Variants in ABHD4 observed in about 807,000 individuals in gnomAD.
ABHD4 encodes abhydrolase domain containing 4, N-acyl phospholipase B, also known as (Lyso)-N-acylphosphatidylethanolamine lipase.
In ABHD4, 35 loss-of-function variants were observed where a neutral mutation model predicts 42.3. That is an observed-to-expected ratio of 0.83 (90% CI 0.63 to 1.10). The LOEUF is 1.10. ABHD4 is among the 50% of genes least tolerant of loss of function. The probability of loss-of-function intolerance (pLI) is 0.00; values close to 1 mark genes in which losing one functional copy is unlikely to be tolerated. For synonymous variants in ABHD4, 169 were observed against 170.6 expected (o/e 0.99, Z 0.07); for missense variants, 389 against 454.8 (o/e 0.86, Z 1.32).
At position 22,604,061 on chromosome 14, in the gene ABHD4, C is replaced by CGAGTAGCTGGGCCCTGGGGT; in HGVS notation, c.630_640+9dup. 1 of 1,614,158 alleles carries CGAGTAGCTGGGCCCTGGGGT rather than the reference C, an allele frequency of 6.2e-7. No individual in the cohort carries two copies. The highest frequency in any genetic ancestry group is 8.5e-7 in the Non-Finnish European group (1 of 1,180,034). On this transcript the variant is annotated frameshift_variant, in exon 4 of 7. Coordinates refer to ENST00000428304, the MANE Select transcript of ABHD4 (RefSeq NM_022060.3). LOFTEE classifies it high-confidence loss of function. ...ACGTTCCAATCCATTGGCTGTTCTT[C>CGAGTAGCTGGGCCCTGGGGT]GAGTAGCTGGGCCCTGGGGTGAGTA...
chr14:22,601,508 C>CAGGTAGCT (rs1379416943), intron 1 of ABHD4, among the ~76,000 whole-genome samples, 159 bp from the exon 2 acceptor site: 1 of 152,170 alleles, frequency 6.6e-6, no homozygotes, highest in Admixed American at 6.5e-5. Context: ...AACAATCTAT[C>CAGGTAGCT]AGGTAGCTAG....
chr14:22,608,892 G>C (rs914660929), intron 5 of ABHD4, among the ~76,000 whole-genome samples: 3 of 152,022 alleles, frequency 2.0e-5, no homozygotes, highest in Admixed American at 2.0e-4. Flanking sequence ...GTAGAGATGG[G>C]TTTCACCATG....
chr14:22,600,831 GGTGTGTGTGTGTGTGT>G (rs35284182), intron 1 of ABHD4, among the ~76,000 whole-genome samples: 5 of 65,224 alleles, frequency 7.7e-5, no homozygotes, highest in Non-Finnish European at 1.5e-4. Context: ...CCAGCAGGGG[GGTGTGTGTGTGTGTGT>G]GTGTGTGTGT....
At chr14:22,598,353 C>CTCTT in intron 1 of ABHD4, 24 bp downstream of exon 1, 1 of 1,551,440 alleles carries the variant, frequency 6.4e-7, no homozygotes, top group Non-Finnish European at 8.7e-7. Context: ...GTCCCTTTCT[C>CTCTT]TCTTTCTCTC....
In ABHD4 at chr14:22,611,536, A is replaced by G. The variant is rs1488881332; in HGVS notation, c.*588A>G. 6.5e-6 allele frequency: 1 copy of G among 154,560 alleles called. No individual in the cohort carries two copies. 9.6% of individuals were successfully genotyped at this position (154,560 alleles called of 1,614,324 possible). On this transcript the variant is annotated 3_prime_UTR_variant, in exon 7 of 7. Transcript: ENST00000428304. ...AGGAGGAAACAGGCCAAGGCAGGACATGGCTGGACCATGGTGATACAGCTC... is the reference window on the plus strand; with the variant it reads ...AGGAGGAAACAGGCCAAGGCAGGACGTGGCTGGACCATGGTGATACAGCTC...
At chr14:22,605,817 G>A in intron 4 of ABHD4, 1 of 1,289,142 alleles carries the variant, frequency 7.8e-7, no homozygotes, top group South Asian at 1.2e-5. Flanking sequence ...AGAGAGATCA[G>A]GGATCAGAAG....
intron 5 of ABHD4, 53 bp from the exon 6 acceptor site, chr14:22,609,671 C>A: frequency 6.3e-7 from 1 of 1,575,606 alleles, no homozygotes; most frequent in South Asian, 1.2e-5. Flanking sequence ...CTGAAGAGAC[C>A]AACAAGTTGA....
At chr14:22,598,818 C>T in intron 1 of ABHD4, 3 of 220,508 alleles carry the variant, frequency 1.4e-5, no homozygotes, top group South Asian at 1.3e-4. Flanking sequence ...TGTGGAACAA[C>T]GGGCTTGCAA....
At chr14:22,598,469 G>A in intron 1 of ABHD4, 140 bp downstream of exon 1, 3 of 1,538,082 alleles carry the variant, frequency 2.0e-6, no homozygotes, top group African/African-American at 1.4e-5. Context: ...GGCGGGGGGT[G>A]GGTGCGTTGC....
intron 1 of ABHD4, chr14:22,598,547 C>T (rs1374315312): frequency 2.2e-6 from 3 of 1,374,496 alleles, no homozygotes; most frequent in East Asian, 2.5e-5. Flanking sequence ...CGCTCGCCCG[C>T]AGCCCGGGGA....
intron 2 of ABHD4, 36 bp from the exon 3 acceptor site, chr14:22,603,354 A>G (rs1566381685): frequency 3.1e-6 from 5 of 1,612,848 alleles, no homozygotes; most frequent in Non-Finnish European, 4.2e-6. Context: ...GTCAGGAAAC[A>G]CTTATTGACT....
intron 5 of ABHD4, among the ~76,000 whole-genome samples, chr14:22,609,196 C>T (rs1272288763): frequency 1.3e-5 from 2 of 152,024 alleles, no homozygotes; most frequent in African/African-American, 2.4e-5. Flanking sequence ...CAGGGTCTCA[C>T]CATGTTGGCC....
rs201990879 is a variant in ABHD4, at chr14:22,603,583, G to C, written c.306G>C (p.Leu102=). The part of the protein sequence containing the change: ...SARRTLHTFD[L]LGFGRSSRPA... ...GCCGCACACTGCACACCTTCGATCTGCTTGGCTTCGGGCGAAGCTCAAGGC... is the reference window on the plus strand; with the variant it reads ...GCCGCACACTGCACACCTTCGATCTCCTTGGCTTCGGGCGAAGCTCAAGGC... Residue 102 remains leucine (L), a synonymous_variant, in exon 3 of 7, where the codon CTG becomes CTC. Coordinates refer to ENST00000428304, the MANE Select transcript of ABHD4 (RefSeq NM_022060.3). 5.6e-6 allele frequency: 9 copies of C among 1,614,170 alleles called. No individual in the cohort carries two copies. The highest frequency in any genetic ancestry group is 5.1e-6 in the Non-Finnish European group (6 of 1,180,042).
intron 4 of ABHD4, among the ~76,000 whole-genome samples, chr14:22,605,606 G>C (rs1026424729): frequency 2.0e-5 from 3 of 152,186 alleles, no homozygotes. Context: ...GTCTGCTCGA[G>C]CTACTCTCCC....
chr14:22,604,324 C>G, intron 4 of ABHD4: 1 of 378,000 alleles, frequency 2.6e-6, no homozygotes, highest in Non-Finnish European at 4.9e-6. Context: ...GATCTCGGCT[C>G]ACTGCAAGCT....
chr14:22,600,205 T>C (rs1235946672), intron 1 of ABHD4: 2 of 455,644 alleles, frequency 4.4e-6, no homozygotes, highest in Admixed American at 2.4e-5. Context: ...TAAGTGACAG[T>C]GCTAAAATTG....
At chr14:22,610,829 A>T in intron 6 of ABHD4, 30 bp from the exon 7 acceptor site, 1 of 1,591,268 alleles carries the variant, frequency 6.3e-7, no homozygotes. Flanking sequence ...ATAAAAGGCC[A>T]TCCCACCCCT....
At position 22,609,726 on chromosome 14, in the gene ABHD4, G is replaced by T; in HGVS notation, c.755G>T (p.Gly252Val). ...TATTGCTGTTTTGCTTTTGACAGTG[G>T]TGAGACAGCATTCAAAGCCATGATG... is the stretch of plus-strand genomic sequence containing the variant. The part of the protein sequence containing the change: ...IYHCNAQNPS[G>V]ETAFKAMMES... Residue 252 changes from glycine to valine, a missense_variant and splice_region_variant, in exon 6 of 7, where the codon GGT becomes GTT. Gly to Val is a moderately radical substitution (Grantham distance 109). Around this residue, in one of 3 missense-constraint regions of ABHD4, gnomAD observed 249 missense variants for 254.4 expected, o/e 0.98. Transcript: ENST00000428304. 6.2e-7 allele frequency: 1 copy of T among 1,613,568 alleles called. No homozygotes were observed. Among genetic ancestry groups the T allele is most frequent in the African/African-American group, 1.3e-5 (1 of 75,022 alleles).
Position 22,606,547 on chromosome 14 carries a change from C to A in ABHD4, c.752+14C>A, listed in dbSNP as rs1237696397. ...ACAGAATCCCAGGTGAGGGCCGCTC[C>A]CCAGGCCAGCTTGGGGCAGACAGTT... is the stretch of plus-strand genomic sequence containing the variant. On this transcript the variant is annotated intron_variant, in intron 5 of 6. Coordinates refer to ENST00000428304, the MANE Select transcript of ABHD4 (RefSeq NM_022060.3). The A allele has an allele frequency of 6.4e-7, 1 of 1,574,496 alleles. No individual in the cohort carries two copies. The highest frequency in any genetic ancestry group is 1.7e-5 in the Admixed American group (1 of 58,790).
Sources: allele counts gnomAD v4.1 joint callset (sites outside exome capture counted in the v4.1 genomes callset), GRCh38; gene constraint gnomAD v4.1.1; regional missense constraint gnomAD v4.1.1; transcripts MANE v1.5; gene names NCBI Gene and HGNC (gene_info 2026-07-23, HGNC 2026-07-21).